The following KIAA0319 variants were observed in gnomAD, a reference collection of about 807,000 sequenced individuals.
KIAA0319 encodes dyslexia-associated protein KIAA0319.
KIAA0319 carries 83 observed loss-of-function variants against 108.4 expected under a neutral mutation model. The observed-to-expected ratio is 0.77, with a 90% CI of 0.64 to 0.92. The LOEUF (loss-of-function observed/expected upper bound fraction) is 0.92. Among genes scored for constraint, KIAA0319 ranks in the 40% least tolerant of loss-of-function variants. KIAA0319 has a pLI of 0.00. For synonymous variants in KIAA0319, 484 were observed against 510.4 expected, an observed-to-expected ratio of 0.95 and a Z score of 0.70; for missense variants, 1,195 against 1,322.4, an observed-to-expected ratio of 0.90 and a Z score of 1.49.
chr6:24,629,478 G>A (rs867586566), intron 1 of KIAA0319, among the ~76,000 whole-genome samples: 4 of 133,772 alleles, frequency 3.0e-5, no homozygotes, highest in Non-Finnish European at 6.2e-5. Flanking sequence ...TCGTGCCACT[G>A]CACTCCAGCC....
Position 24,588,622 on chromosome 6 carries a change from G to T in KIAA0319, c.965C>A (p.Pro322His). ...CCTGGGAGCAGTGGTAGGAGATATG[G>T]GTAGCTCAGATGGGGTGGACTCAGA... ...APSESTPSEL[P>H]ISPTTAPRTV... is the part of the protein sequence containing the mutation. The change falls in exon 4 of 21, where the codon CCC becomes CAC. Residue 322 changes from proline (P) to histidine (H), a missense_variant. Pro to His is a moderately conservative substitution (Grantham distance 77). Coordinates refer to ENST00000378214, the MANE Select transcript of KIAA0319 (RefSeq NM_014809.4). The T allele has an allele frequency of 2.5e-6, 4 of 1,613,628 alleles. No individual in the cohort carries two copies. The highest frequency in any genetic ancestry group is 3.4e-6 in the Non-Finnish European group (4 of 1,179,832).
At chr6:24,629,093 A>G (rs1775136429) in intron 1 of KIAA0319, among the ~76,000 whole-genome samples, 1 of 152,196 alleles carries the variant, frequency 6.6e-6, no homozygotes, top group Non-Finnish European at 1.5e-5. Context: ...AAGTACCTAG[A>G]GCAGACAGTA....
chr6:24,579,524 T>C (rs1234428338), intron 8 of KIAA0319, among the ~76,000 whole-genome samples: 1 of 139,696 alleles, frequency 7.2e-6, no homozygotes, highest in African/African-American at 2.9e-5. Flanking sequence ...TTATATATCT[T>C]ATATATATAT....
chr6:24,595,256 C>T (rs1012895342), intron 3 of KIAA0319, among the ~76,000 whole-genome samples: 11 of 151,992 alleles, frequency 7.2e-5, no homozygotes, highest in Non-Finnish European at 1.5e-4. Context: ...CCTTAAATGT[C>T]GCTAGAGTAT....
rs35084855 is a variant in KIAA0319 at position 24,609,315 on chromosome 6, C to T, written c.-105-8107G>A. On this transcript the variant is annotated intron_variant, in intron 1 of 20. Coordinates refer to ENST00000378214, the MANE Select transcript of KIAA0319 (RefSeq NM_014809.4). ...GAAAAAAAAAAAAAGAAAGTCCGGG[C>T]GCAGTGGAATCCCAGCACTTTGGGA... 5.8e-4 allele frequency among the ~76,000 whole-genome samples: 86 copies of T among 147,158 alleles called. 1 individual carries two copies. Among genetic ancestry groups the T allele is most frequent in the Admixed American group, 2.8e-3 (41 of 14,706 alleles).
At chr6:24,643,850 A>C (rs1195489274) in intron 1 of KIAA0319, among the ~76,000 whole-genome samples, 1 of 152,200 alleles carries the variant, frequency 6.6e-6, no homozygotes, top group Non-Finnish European at 1.5e-5. Flanking sequence ...TCCCATTGTT[A>C]TCTCTATTTT....
At chr6:24,630,710 T>TACAC (rs201048717) in intron 1 of KIAA0319, among the ~76,000 whole-genome samples, 83,911 of 138,482 alleles carry the variant, frequency 0.61, 24,573 homozygotes, top group East Asian at 0.84. Flanking sequence ...TATACACATA[T>TACAC]ACACACAAAC....
Position 24,595,997 on chromosome 6 carries a change from G to T in KIAA0319, c.677C>A (p.Ala226Asp). 1 of 1,614,200 alleles carries T rather than the reference G, an allele frequency of 6.2e-7. No individual in the cohort carries two copies. The highest frequency in any genetic ancestry group is 1.3e-5 in the African/African-American group (1 of 75,048). Residue 226 changes from alanine (A) to aspartate (D), a missense_variant, in exon 3 of 21, where the codon GCC (alanine) becomes GAC (aspartate). Transcript: ENST00000378214. ...CACACTTCTCTCAGGGAGTTTTGGG[G>T]CAGGGGTTGAAGCCGACTCATTCAG... is the stretch of plus-strand genomic sequence containing the variant. ...HYLNESASTP[A>D]PKLPERSVLL...
chr6:24,637,600 T>C lies in KIAA0319; in HGVS notation c.-106+8136A>G, dbSNP rs373064181. ...AGTTACAAAAGTGTCTTGAACTTAA[T>C]GGAGCTTATGTTGAGAAATAAAGTT... is the stretch of plus-strand genomic sequence containing the variant. On this transcript the variant is annotated intron_variant, in intron 1 of 20. Coordinates refer to ENST00000378214, the MANE Select transcript of KIAA0319 (RefSeq NM_014809.4). Among the ~76,000 whole-genome samples the C allele has an allele frequency of 3.0e-4, 45 of 152,334 alleles. No homozygotes were observed. In the East Asian group the frequency reaches 5.6e-3, roughly 19 times the overall value.
At chr6:24,619,234 T>C (rs373532447) in intron 1 of KIAA0319, among the ~76,000 whole-genome samples, 5 of 152,146 alleles carry the variant, frequency 3.3e-5, no homozygotes, top group East Asian at 1.9e-4. Context: ...GGCTTCTGCG[T>C]TGAAAAGAGA....
chr6:24,616,654 G>A (rs62400534), intron 1 of KIAA0319, among the ~76,000 whole-genome samples: 25,486 of 152,114 alleles, frequency 0.17, 2,236 homozygotes, highest in South Asian at 0.32. Flanking sequence ...GCTCGGCCTG[G>A]TTATTTTTGA....
intron 1 of KIAA0319, among the ~76,000 whole-genome samples, chr6:24,606,020 C>T (rs1227515032): frequency 2.6e-5 from 4 of 151,912 alleles, no homozygotes; most frequent in East Asian, 1.9e-4. Flanking sequence ...CTGCAACCTC[C>T]GCCTCCCGGG....
At chr6:24,548,113 T>C (rs573221659) in intron 20 of KIAA0319, among the ~76,000 whole-genome samples, 1 of 152,308 alleles carries the variant, frequency 6.6e-6, no homozygotes, top group African/African-American at 2.4e-5. Context: ...TTTTTTAAAT[T>C]GTATATGAAT....
intron 1 of KIAA0319, among the ~76,000 whole-genome samples, chr6:24,632,058 T>A (rs1445370608): frequency 6.6e-6 from 1 of 152,260 alleles, no homozygotes; most frequent in Non-Finnish European, 1.5e-5. Flanking sequence ...AGTAAAAAGT[T>A]TTCCTTTAGA....
At chr6:24,569,862 C>T (rs756373484) in intron 12 of KIAA0319, 41 bp downstream of exon 12, 11 of 1,600,200 alleles carry the variant, frequency 6.9e-6, no homozygotes, top group African/African-American at 2.7e-5. Flanking sequence ...TATTAGCATT[C>T]AGCATGGGCA....
chr6:24,556,249 C>T (rs1009130386), intron 18 of KIAA0319, among the ~76,000 whole-genome samples: 7 of 146,586 alleles, frequency 4.8e-5, no homozygotes, highest in Admixed American at 1.4e-4. Context: ...CTCACTCTGT[C>T]CACTCACTGC....
chr6:24,570,143 C>A, intron 11 of KIAA0319, 108 bp from the exon 12 acceptor site: 1 of 1,030,734 alleles, frequency 9.7e-7, no homozygotes, highest in African/African-American at 1.6e-5. Flanking sequence ...CAGGCAGCCA[C>A]TAGAGTATGC....
chr6:24,558,446 T>C (rs1388571592), intron 17 of KIAA0319, among the ~76,000 whole-genome samples: 1 of 152,184 alleles, frequency 6.6e-6, no homozygotes, highest in African/African-American at 2.4e-5. Context: ...AACATTATCA[T>C]TTCCCTTGTA....
At chr6:24,608,986 G>C (rs148613547) in intron 1 of KIAA0319, among the ~76,000 whole-genome samples, 1 of 145,008 alleles carries the variant, frequency 6.9e-6, no homozygotes, top group East Asian at 2.1e-4. Flanking sequence ...AGAAGGCCAG[G>C]TGCAGGGGCT....
Sources: allele counts gnomAD v4.1 joint callset (sites outside exome capture counted in the v4.1 genomes callset), GRCh38; gene constraint gnomAD v4.1.1; transcripts MANE v1.5; gene names NCBI Gene and HGNC (gene_info 2026-07-23, HGNC 2026-07-21).